The following NCLN variants were observed in gnomAD, a reference collection of about 807,000 sequenced individuals.
NCLN encodes the protein nicalin.
NCLN carries 34 observed loss-of-function variants against 69.5 expected under a neutral mutation model. The observed-to-expected ratio is 0.49, with a 90% CI of 0.37 to 0.65. The LOEUF (loss-of-function observed/expected upper bound fraction) is 0.65. NCLN is among the 30% of genes least tolerant of loss of function. NCLN has a pLI of 0.00. For synonymous variants in NCLN, 393 were observed against 358.3 expected (o/e 1.10, Z -1.09); for missense variants, 710 against 804.8 (o/e 0.88, Z 1.42).
rs1915857281 is a variant in NCLN, at chr19:3,192,619, C to T, written c.334C>T (p.Leu112=). The T allele has an allele frequency of 3.8e-6, 6 of 1,588,310 alleles. No homozygotes were observed. Among genetic ancestry groups the T allele is most frequent in the Non-Finnish European group, 5.1e-6 (6 of 1,165,510 alleles). The part of the protein sequence containing the change: ...RQSAGAVVII[L]PRAMAAVPQD... The stretch of plus-strand genomic sequence containing the variant: ...GTCGGCGGGCGCCGTGGTCATCATC[C>T]TGCCCAGGGCCATGGCCGCCGTGCC... Residue 112 remains leucine, a synonymous_variant, in exon 2 of 15, where the codon CTG becomes TTG. Coordinates refer to ENST00000246117, the MANE Select transcript of NCLN (RefSeq NM_020170.4).
Position 3,198,804 on chromosome 19 carries a change from T to C in NCLN, c.616-13T>C, listed in dbSNP as rs760023209. 10 of 1,576,774 alleles carry C rather than the reference T, an allele frequency of 6.3e-6. No individual in the cohort carries two copies. Among genetic ancestry groups the C allele is most frequent in the Non-Finnish European group, 7.7e-6 (9 of 1,162,790 alleles). On this transcript the variant is annotated splice_polypyrimidine_tract_variant and intron_variant, in intron 4 of 14. Transcript: ENST00000246117. ...AGGAACAGCCAGGCCATTCCCCTGCTCTCTATCCACAGGGGCGGCTGACGG... is the reference window on the plus strand; with the variant it reads ...AGGAACAGCCAGGCCATTCCCCTGCCCTCTATCCACAGGGGCGGCTGACGG...
chr19:3,195,553 A>G (rs1915934185), intron 3 of NCLN, among the ~76,000 whole-genome samples: 1 of 152,100 alleles, frequency 6.6e-6, no homozygotes, highest in South Asian at 2.1e-4. Context: ...CCGGCCGATC[A>G]TATCTTACAT....
rs1915654984 is a variant in NCLN at position 3,185,978 on chromosome 19, C to T, written c.-53C>T. 1 of 1,363,580 alleles carries T rather than the reference C, an allele frequency of 7.3e-7. No homozygotes were observed. The highest frequency in any genetic ancestry group is 9.5e-7 in the Non-Finnish European group (1 of 1,056,366). The allele number at this position is 1,363,580 out of a possible 1,614,324, so 84.5% of individuals were successfully genotyped here. A position where few individuals can be genotyped will look rare whatever the true frequency, so the allele number is the denominator to read the frequency against. On this transcript the variant is annotated 5_prime_UTR_variant, in exon 1 of 15. Transcript: ENST00000246117. The stretch of plus-strand genomic sequence containing the variant: ...CGAGGTGAGTCCGCGGGAGCCGCCG[C>T]CGCCGCCGTCCCGTCCCAGCTGCCG...
chr19:3,191,784 ACT>A (rs1305193123), intron 1 of NCLN, among the ~76,000 whole-genome samples: 4 of 151,774 alleles, frequency 2.6e-5, no homozygotes, highest in African/African-American at 9.7e-5. Context: ...GGAAATACTC[ACT>A]CTCTGGCCTG....
In NCLN at chr19:3,207,831, A is replaced by G. The variant is rs1434040354; in HGVS notation, c.*143A>G. 3 of 658,322 alleles carry G rather than the reference A, an allele frequency of 4.6e-6. No homozygotes were observed. The East Asian group carries it at 8.1e-5, about 18-fold the overall frequency. The allele number at this position is 658,322 out of a possible 1,614,324, so 40.8% of individuals were successfully genotyped here. A position where few individuals can be genotyped will look rare whatever the true frequency, so the allele number is the denominator to read the frequency against. ...CCGGCGGTGGTTGGAACACTGAATT[A>G]CAGAGCTTTTTTCTGTTGCTCTCCG... On this transcript the variant is annotated 3_prime_UTR_variant, in exon 15 of 15. Transcript: ENST00000246117.
rs200749859 is a variant in NCLN at position 3,204,559 on chromosome 19, G to T, written c.1030-14G>T. ...TCCCCGCCTGCCCTCTGCTAATGGC[G>T]CCTCCGGCTGCAGGTGGCCGCGCAC... On this transcript the variant is annotated splice_polypyrimidine_tract_variant and intron_variant, in intron 8 of 14. Coordinates refer to ENST00000246117, the MANE Select transcript of NCLN (RefSeq NM_020170.4). 100 of 1,519,002 alleles carry T rather than the reference G, an allele frequency of 6.6e-5. 2 individuals carry two copies. In the East Asian group the frequency reaches 2.3e-3, roughly 35 times the overall value. The allele number at this position is 1,519,002 out of a possible 1,614,324, so 94.1% of individuals were successfully genotyped here.
At chr19:3,206,508 C>T (rs1916277283) in intron 12 of NCLN, 83 bp downstream of exon 12, 1 of 1,426,936 alleles carries the variant, frequency 7.0e-7, no homozygotes, top group Admixed American at 2.5e-5. Context: ...CCCCCTCACC[C>T]CTGGGGGATG....
At chr19:3,188,091 G>T (rs898309703) in intron 1 of NCLN, among the ~76,000 whole-genome samples, 2 of 152,042 alleles carry the variant, frequency 1.3e-5, no homozygotes, top group African/African-American at 4.8e-5. Context: ...GGGGTTTCCA[G>T]GGCAGTCTGC....
rs370441346 is a variant in NCLN, at chr19:3,205,164, GCTT to G, written c.1208+417_1208+419del. Among the ~76,000 whole-genome samples the G allele has an allele frequency of 8.2e-4, 125 of 152,306 alleles. 3 individuals carry two copies. Among genetic ancestry groups the G allele is most frequent in the African/African-American group, 2.9e-3 (122 of 41,562 alleles). On this transcript the variant is annotated intron_variant, in intron 9 of 14. Transcript: ENST00000246117. This position sits in a 1 kb window ranked among gnomAD's most constrained non-coding sequence, Gnocchi z 4.6. ...CCTCCCTCTGGGCACTGTGTCTCTG[GCTT>G]CTTATGTCCTCTGACCCTGTGTCCT... is the stretch of plus-strand genomic sequence containing the variant.
intron 5 of NCLN, among the ~76,000 whole-genome samples, chr19:3,200,079 C>G (rs948064322): frequency 6.6e-6 from 1 of 151,856 alleles, no homozygotes; most frequent in African/African-American, 2.4e-5. Context: ...GCTGAGTGCC[C>G]GACCCCTTGG....
Position 3,189,178 on chromosome 19 carries a change from C to T in NCLN, c.184+2964C>T, listed in dbSNP as rs528315690. Among the ~76,000 whole-genome samples the T allele has an allele frequency of 8.3e-4, 127 of 152,314 alleles. 1 individual carries two copies. Among genetic ancestry groups the T allele is most frequent in the African/African-American group, 3.0e-3 (125 of 41,564 alleles). ...CCTCTCCTGGGAGTGGACTCTGGCC[C>T]TGCCGGGTGAAGGCTTTCTCGGCTC... On this transcript the variant is annotated intron_variant, in intron 1 of 14. Transcript: ENST00000246117.
At chr19:3,187,017 C>T (rs1009692175) in intron 1 of NCLN, among the ~76,000 whole-genome samples, 1 of 152,140 alleles carries the variant, frequency 6.6e-6, no homozygotes, top group Non-Finnish European at 1.5e-5. Context: ...CAGTTCAGTC[C>T]ACTCGCCTGG....
chr19:3,207,890 T>A lies in NCLN; in HGVS notation c.*202T>A. 8.7e-6 allele frequency: 5 copies of A among 577,748 alleles called. No homozygotes were observed. In the South Asian group the frequency reaches 1.1e-4, roughly 13 times the overall value. 35.8% of individuals were successfully genotyped at this position (577,748 alleles called of 1,614,324 possible). A position where few individuals can be genotyped will look rare whatever the true frequency, so the allele number is the denominator to read the frequency against. On this transcript the variant is annotated 3_prime_UTR_variant, in exon 15 of 15. Transcript: ENST00000246117. ...GGGGGATTGTTTCTTCTTTTCCTTG[T>A]CTTTGAACTTCCTTGGAGGAGAGCT...
In NCLN at chr19:3,196,763, G is replaced by A. The variant is rs1599353376; in HGVS notation, c.615+486G>A. On this transcript the variant is annotated intron_variant, in intron 4 of 14. Transcript: ENST00000246117. Reference sequence around the variant, plus strand: ...GCGGAAGTAGCCTCTCGGATCATCAGGGCAGATCCAGAGGGTGAAGCCTGT... The same window carrying A: ...GCGGAAGTAGCCTCTCGGATCATCAAGGCAGATCCAGAGGGTGAAGCCTGT... 2.0e-5 allele frequency among the ~76,000 whole-genome samples: 3 copies of A among 152,368 alleles called. No homozygotes were observed. The East Asian group carries it at 5.8e-4, about 29-fold the overall frequency.
rs369091252 is a variant in NCLN at position 3,207,865 on chromosome 19, G to C, written c.*177G>C. On this transcript the variant is annotated 3_prime_UTR_variant, in exon 15 of 15. Coordinates refer to ENST00000246117, the MANE Select transcript of NCLN (RefSeq NM_020170.4). ...TTTTCTGTTGCTCTCCGAGACTGGGGGGGGATTGTTTCTTCTTTTCCTTGT... is the reference window on the plus strand; with the variant it reads ...TTTTCTGTTGCTCTCCGAGACTGGGCGGGGATTGTTTCTTCTTTTCCTTGT... 1.4e-3 allele frequency: 857 copies of C among 596,926 alleles called. 3 individuals carry two copies. Among genetic ancestry groups the C allele is most frequent in the Middle Eastern group, 8.7e-3 (20 of 2,306 alleles). 37.0% of individuals were successfully genotyped at this position (596,926 alleles called of 1,614,324 possible). A position where few individuals can be genotyped will look rare whatever the true frequency, so the allele number is the denominator to read the frequency against.
In NCLN at chr19:3,207,636, G is replaced by C. The variant is rs1916307209; in HGVS notation, c.1640G>C (p.Ser547Thr). The C allele has an allele frequency of 1.2e-6, 2 of 1,612,974 alleles. No homozygotes were observed. The highest frequency in any genetic ancestry group is 1.7e-6 in the Non-Finnish European group (2 of 1,179,882). Residue 547 changes from serine (S) to threonine (T), a missense_variant, in exon 15 of 15, where the codon AGC becomes ACC. Ser to Thr is a moderately conservative substitution (Grantham distance 58). Transcript: ENST00000246117. ...GMAYVAVQHF[S>T]LLYKTVQRLL... The stretch of plus-strand genomic sequence containing the variant: ...CTCCTGCTGTGTCCCCAGCACTTCA[G>C]CCTCCTCTACAAGACCGTCCAGAGG...
Position 3,206,308 on chromosome 19 carries a change from A to G in NCLN, c.1382A>G (p.Asn461Ser), listed in dbSNP as rs984909587. 2.6e-6 allele frequency: 4 copies of G among 1,548,068 alleles called. No individual in the cohort carries two copies. The highest frequency in any genetic ancestry group is 2.7e-5 in the African/African-American group (2 of 72,994). The stretch of plus-strand genomic sequence containing the variant: ...GACTCGGTGATGGACTGGCTCACCA[A>G]CCAGCCGCGGGCCGCGCAGCTGGTG... ...QLDSVMDWLT[N>S]QPRAAQLVDK... The change falls in exon 12 of 15, where the codon AAC becomes AGC. Residue 461 changes from asparagine to serine, a missense_variant. Physicochemically the swap from Asn to Ser is conservative, Grantham distance 46. Coordinates refer to ENST00000246117, the MANE Select transcript of NCLN (RefSeq NM_020170.4).
rs1258487305 is a variant in NCLN, at chr19:3,193,296, A to C, written c.388A>C (p.Ile130Leu). 6.2e-7 allele frequency: 1 copy of C among 1,611,618 alleles called. No homozygotes were observed. The highest frequency in any genetic ancestry group is 8.5e-7 in the Non-Finnish European group (1 of 1,179,614). Reference sequence around the variant, plus strand: ...GTCTGCTCCACAGCAATTCATGGAGATCGAGCCGGAGATGCTGGCCATGGA... The same window carrying C: ...GTCTGCTCCACAGCAATTCATGGAGCTCGAGCCGGAGATGCTGGCCATGGA... ...PQDVVRQFME[I>L]EPEMLAMETA... The change falls in exon 3 of 15, where the codon ATC (isoleucine) becomes CTC (leucine). Residue 130 changes from isoleucine (I) to leucine (L), a missense_variant. Ile to Leu is a conservative substitution (Grantham distance 5). Transcript: ENST00000246117.
intron 1 of NCLN, 21 bp from the exon 2 acceptor site, chr19:3,192,449 A>C (rs1599349920): frequency 6.4e-7 from 1 of 1,562,380 alleles, no homozygotes; most frequent in Non-Finnish European, 8.6e-7. Context: ...GAGGCTCACG[A>C]CCCCGCCCCT....
Sources: allele counts gnomAD v4.1 joint callset (sites outside exome capture counted in the v4.1 genomes callset), GRCh38; gene constraint gnomAD v4.1.1; non-coding constraint Gnocchi (gnomAD v3.1); transcripts MANE v1.5; gene names NCBI Gene and HGNC (gene_info 2026-07-23, HGNC 2026-07-21).